Variants in CRAMP1 observed in about 807,000 individuals in gnomAD.
CRAMP1 encodes cramped chromatin regulator 1.
A neutral mutation model predicts 115.4 loss-of-function variants in CRAMP1; 50 were observed. The ratio of observed to expected loss-of-function variants is 0.43; its 90% CI spans 0.35 to 0.55. CRAMP1 has a LOEUF of 0.55. Among genes scored for constraint, CRAMP1 ranks in the 20% least tolerant of loss-of-function variants. The probability of loss-of-function intolerance (pLI) is 0.01; values close to 1 mark genes in which losing one functional copy is unlikely to be tolerated. For synonymous variants in CRAMP1, 866 were observed against 745.4 expected, an observed-to-expected ratio of 1.16 and a Z score of -2.64; for missense variants, 1,679 against 1,721.7, an observed-to-expected ratio of 0.98 and a Z score of 0.44.
chr16:1,612,370 C>T lies in CRAMP1; in HGVS notation c.-289C>T, dbSNP rs1378714398. 1 of 151,868 alleles carries T rather than the reference C, an allele frequency of 6.6e-6. No individual in the cohort carries two copies. The highest frequency in any genetic ancestry group is 6.6e-5 in the Admixed American group (1 of 15,168). The allele number at this position is 151,868 out of a possible 1,614,324, so 9.4% of individuals were successfully genotyped here. On this transcript the variant is annotated 5_prime_UTR_variant, in exon 1 of 21. Transcript: ENST00000397412. The stretch of plus-strand genomic sequence containing the variant: ...CCGCGCGCCGTCCGTGAGGTCCCCA[C>T]CGGCCGCCGTAGCCGGAACTGCTGC...
At chr16:1,640,604 C>T (rs571450529) in intron 5 of CRAMP1, among the ~76,000 whole-genome samples, 19 of 152,314 alleles carry the variant, frequency 1.2e-4, no homozygotes, top group African/African-American at 4.3e-4. Flanking sequence ...TGAAGAGTCC[C>T]GAGCAGGTCA....
At position 1,675,004 on chromosome 16, in the gene CRAMP1, T is replaced by A. The variant is rs942583559; in HGVS notation, c.*959T>A. ...CCTGCCTTTGCAGGGAAAGTGTCTC[T>A]CACGGGCATTGGTGTGGGCGTGCCT... On this transcript the variant is annotated 3_prime_UTR_variant, in exon 21 of 21. Coordinates refer to ENST00000397412, the MANE Select transcript of CRAMP1 (RefSeq NM_020825.4). 2 of 152,250 alleles carry A rather than the reference T, an allele frequency of 1.3e-5. No individual in the cohort carries two copies. The highest frequency in any genetic ancestry group is 4.8e-5 in the African/African-American group (2 of 41,450). The allele number at this position is 152,250 out of a possible 1,614,324, so 9.4% of individuals were successfully genotyped here.
Position 1,666,528 on chromosome 16 carries a change from G to A in CRAMP1, c.2964G>A (p.Glu988=). ...LSGISPLSSD[E]VTGAISGQDS... is the part of the protein sequence containing the mutation. ...GCATCTCTCCACTGTCTTCAGACGA[G>A]GTGACGGGTGCCATCTCGGGGCAGG... The change falls in exon 16 of 21, where the codon GAG becomes GAA. Residue 988 remains glutamate (E), a synonymous_variant. Coordinates refer to ENST00000397412, the MANE Select transcript of CRAMP1 (RefSeq NM_020825.4). This position sits in a 1 kb window ranked among gnomAD's most constrained non-coding sequence, Gnocchi z 5.0. 1 of 1,613,992 alleles carries A rather than the reference G, an allele frequency of 6.2e-7. No homozygotes were observed. Among genetic ancestry groups the A allele is most frequent in the Non-Finnish European group, 8.5e-7 (1 of 1,179,884 alleles).
chr16:1,638,948 C>A (rs916873044), intron 5 of CRAMP1, among the ~76,000 whole-genome samples: 1 of 152,040 alleles, frequency 6.6e-6, no homozygotes, highest in African/African-American at 2.4e-5. Context: ...CCTCTTACCT[C>A]CTCCAGCCTG....
At position 1,674,100 on chromosome 16, in the gene CRAMP1, G is replaced by A. The variant is rs2142212635; in HGVS notation, c.*55G>A. The A allele has an allele frequency of 6.5e-7, 1 of 1,540,596 alleles. No individual in the cohort carries two copies. Among genetic ancestry groups the A allele is most frequent in the Non-Finnish European group, 8.8e-7 (1 of 1,133,946 alleles). On this transcript the variant is annotated 3_prime_UTR_variant, in exon 21 of 21. Coordinates refer to ENST00000397412, the MANE Select transcript of CRAMP1 (RefSeq NM_020825.4). ...CTTCGAGCTAGAGAAAAATAGATAA[G>A]CCCAGCAGCCCCAGAAGATGGTCTG...
chr16:1,626,386 T>C (rs1383245970), intron 3 of CRAMP1, among the ~76,000 whole-genome samples: 2 of 152,232 alleles, frequency 1.3e-5, no homozygotes, highest in African/African-American at 4.8e-5. Flanking sequence ...GTGAGGTGTC[T>C]GTGAGGAGGT....
intron 6 of CRAMP1, among the ~76,000 whole-genome samples, chr16:1,644,808 GGA>G (rs2036660007): frequency 6.6e-6 from 1 of 152,148 alleles, no homozygotes; most frequent in East Asian, 1.9e-4. Context: ...CGTTCCCTGT[GGA>G]GAAGAGATGG....
At chr16:1,648,019 A>G (rs546175060) in intron 6 of CRAMP1, among the ~76,000 whole-genome samples, 2 of 152,194 alleles carry the variant, frequency 1.3e-5, no homozygotes, top group South Asian at 4.1e-4. Context: ...TCGCAGCCTC[A>G]AGTCGGTCGC....
chr16:1,656,686 G>C lies in CRAMP1; in HGVS notation c.1929G>C (p.Lys643Asn). Residue 643 changes from lysine to asparagine, a missense_variant, in exon 10 of 21, where the codon AAG becomes AAC. Physicochemically the swap from Lys to Asn is moderately conservative, Grantham distance 94. This residue lies in a region of CRAMP1 where 405 missense variants were observed against 302.6 expected (regional missense o/e 1.34). Coordinates refer to ENST00000397412, the MANE Select transcript of CRAMP1 (RefSeq NM_020825.4). The surrounding 1 kb of genome is among the most constrained non-coding windows in gnomAD (Gnocchi z 5.6). ...ADAPAEELQEKGSPAGPPPSQ... is the reference protein window; with the variant it reads ...ADAPAEELQENGSPAGPPPSQ... ...CACCTGCGGAGGAGCTCCAGGAGAA[G>C]GGGAGCCCCGCGGGGCCTCCGCCGT... The C allele has an allele frequency of 1.3e-6, 2 of 1,565,274 alleles. No homozygotes were observed. The highest frequency in any genetic ancestry group is 2.4e-5 in the South Asian group (2 of 85,064).
rs201157275 is a variant in CRAMP1, at chr16:1,666,595, G to T, written c.3031G>T (p.Val1011Leu). 1.9e-6 allele frequency: 3 copies of T among 1,613,560 alleles called. No individual in the cohort carries two copies. The highest frequency in any genetic ancestry group is 2.5e-6 in the Non-Finnish European group (3 of 1,179,700). Residue 1011 changes from valine to leucine, a missense_variant, in exon 16 of 21, where the codon GTG becomes TTG. This residue lies in a region of CRAMP1 where 709 missense variants were observed against 741.9 expected (regional missense o/e 0.96). Transcript: ENST00000397412. This position sits in a 1 kb window ranked among gnomAD's most constrained non-coding sequence, Gnocchi z 5.0. ...THQDGDTLPT[V>L]GGSDPFVSIP... The stretch of plus-strand genomic sequence containing the variant: ...CCAGGATGGAGACACCCTCCCCACC[G>T]TGGGGGTGAGTATGTTTAGAAGGGC...
At chr16:1,628,216 T>C (rs2036521926) in intron 3 of CRAMP1, among the ~76,000 whole-genome samples, 2 of 152,170 alleles carry the variant, frequency 1.3e-5, no homozygotes, top group South Asian at 4.1e-4. Flanking sequence ...TGTATCTGAG[T>C]TTGTATATGA....
At chr16:1,670,860 A>C in intron 20 of CRAMP1, 51 bp downstream of exon 20, 2 of 1,593,812 alleles carry the variant, frequency 1.3e-6, no homozygotes, top group Non-Finnish European at 8.6e-7. Context: ...CTCGTGCCAG[A>C]GGTTGCCAGC....
rs1045266327 is a variant in CRAMP1 at position 1,653,303 on chromosome 16, C to T, written c.1037+147C>T. On this transcript the variant is annotated intron_variant, in intron 8 of 20. Coordinates refer to ENST00000397412, the MANE Select transcript of CRAMP1 (RefSeq NM_020825.4). ...ACACGAGGACGCAGCAGTGTGGAGG[C>T]GACTGGAGTCCAGGGAGCACTGGGC... is the stretch of plus-strand genomic sequence containing the variant. The T allele has an allele frequency of 5.2e-5, 50 of 962,988 alleles. No individual in the cohort carries two copies. In the East Asian group the frequency reaches 1.2e-3, roughly 22 times the overall value. The allele number at this position is 962,988 out of a possible 1,614,324, so 59.7% of individuals were successfully genotyped here.
At position 1,675,948 on chromosome 16, in the gene CRAMP1, CAAG is replaced by C. The variant is rs1159751730; in HGVS notation, c.*1904_*1906del. Reference sequence around the variant, plus strand: ...TAGCATCTCATTGAGCCAGAGAAGACAAGGAGATCTCCCTCTGGGCATCTGGCT... The same window carrying C: ...TAGCATCTCATTGAGCCAGAGAAGACGAGATCTCCCTCTGGGCATCTGGCT... On this transcript the variant is annotated 3_prime_UTR_variant, in exon 21 of 21. Transcript: ENST00000397412. 1 of 152,214 alleles carries C rather than the reference CAAG, an allele frequency of 6.6e-6. No individual in the cohort carries two copies. The highest frequency in any genetic ancestry group is 1.5e-5 in the Non-Finnish European group (1 of 68,050). 9.4% of individuals were successfully genotyped at this position (152,214 alleles called of 1,614,324 possible).
At chr16:1,670,487 C>T (rs944219319) in intron 19 of CRAMP1, 177 bp from the exon 20 acceptor site, 14 of 667,564 alleles carry the variant, frequency 2.1e-5, no homozygotes, top group Non-Finnish European at 3.4e-5. Flanking sequence ...GCCTGTTAAA[C>T]GAGAAGAGCT....
At chr16:1,653,484 A>G (rs1045217652) in intron 8 of CRAMP1, among the ~76,000 whole-genome samples, 15 of 152,232 alleles carry the variant, frequency 9.9e-5, no homozygotes, top group African/African-American at 3.1e-4. Context: ...CGTGGCTCGC[A>G]TATGCACAAG....
chr16:1,648,049 A>G (rs1376721353), intron 6 of CRAMP1, among the ~76,000 whole-genome samples: 1 of 152,162 alleles, frequency 6.6e-6, no homozygotes, highest in African/African-American at 2.4e-5. Context: ...ATTTGAGAGA[A>G]AAAGACGGAG....
At chr16:1,653,775 C>G (rs1188812520) in intron 8 of CRAMP1, among the ~76,000 whole-genome samples, 1 of 140,388 alleles carries the variant, frequency 7.1e-6, no homozygotes, top group Non-Finnish European at 1.5e-5. Flanking sequence ...GAGCCGAGAT[C>G]GCGCCACTGC....
At chr16:1,667,034 G>A (rs1358724257) in intron 16 of CRAMP1, among the ~76,000 whole-genome samples, 1 of 152,180 alleles carries the variant, frequency 6.6e-6, no homozygotes, top group Non-Finnish European at 1.5e-5. Flanking sequence ...GCCCCAAGGA[G>A]GGTGGGGTGG....
Sources: allele counts gnomAD v4.1 joint callset (sites outside exome capture counted in the v4.1 genomes callset), GRCh38; gene constraint gnomAD v4.1.1; regional missense constraint gnomAD v4.1.1; non-coding constraint Gnocchi (gnomAD v3.1); transcripts MANE v1.5; gene names NCBI Gene and HGNC (gene_info 2026-07-23, HGNC 2026-07-21).